The following SIRPG variants were observed in gnomAD, a reference collection of about 807,000 sequenced individuals.
SIRPG encodes signal-regulatory protein gamma.
In SIRPG, 38 loss-of-function variants were observed where a neutral mutation model predicts 35.7. That is an observed-to-expected ratio of 1.06 (90% CI 0.82 to 1.40). SIRPG has a LOEUF of 1.40. SIRPG is among the 40% of genes most tolerant of loss of function. The pLI, the probability that SIRPG is intolerant of heterozygous loss-of-function variation, is 0.00. For missense variants in SIRPG, 519 were observed against 483.0 expected, an observed-to-expected ratio of 1.07 and a Z score of -0.70; for synonymous variants, 215 against 190.4, an observed-to-expected ratio of 1.13 and a Z score of -1.06.
Position 1,636,217 on chromosome 20 carries a change from C to T in SIRPG, c.719G>A (p.Gly240Glu). 1.2e-6 allele frequency: 2 copies of T among 1,614,098 alleles called. No homozygotes were observed. The highest frequency in any genetic ancestry group is 1.7e-6 in the Non-Finnish European group (2 of 1,180,000). ...GATGGCCTCAGACAAGTTGGCAGTC[C>T]CACGAAGAGGGTCCCCCTGCAAGGT... ...HVTLQGDPLR[G>E]TANLSEAIRV... Residue 240 changes from glycine to glutamate, a missense_variant, in exon 3 of 6, where the codon GGG becomes GAG. Physicochemically the swap from Gly to Glu is moderately conservative, Grantham distance 98. Coordinates refer to ENST00000303415, the MANE Select transcript of SIRPG (RefSeq NM_018556.4).
At position 1,645,335 on chromosome 20, in the gene SIRPG, G is replaced by T. The variant is rs369087751; in HGVS notation, c.430+3717C>A. Among the ~76,000 whole-genome samples the T allele has an allele frequency of 9.2e-5, 14 of 152,300 alleles. No homozygotes were observed. In the South Asian group the frequency reaches 2.9e-3, roughly 32 times the overall value. On this transcript the variant is annotated intron_variant, in intron 2 of 5. Transcript: ENST00000303415. ...TATGAGAATCTTCTGGAGTCATGAA[G>T]AGTTCAGATGCCCAGGCCCATGTCA...
At chr20:1,671,415 C>T in the SIRPG span, among the ~76,000 whole-genome samples, 1 of 152,184 alleles carries the variant, frequency 6.6e-6, no homozygotes, top group Non-Finnish European at 1.5e-5. Context: ...AACAGGGTGA[C>T]TTCCACCAAT....
chr20:1,656,487 T>A (rs1404213855), intron 1 of SIRPG, among the ~76,000 whole-genome samples: 3 of 152,096 alleles, frequency 2.0e-5, no homozygotes, highest in Non-Finnish European at 2.9e-5. Flanking sequence ...GTAAAAAAAA[T>A]AATTTGAAAA....
In SIRPG at chr20:1,657,748, G is replaced by C; in HGVS notation, c.-34C>G. On this transcript the variant is annotated 5_prime_UTR_variant, in exon 1 of 6. Transcript: ENST00000303415. ...CCTCAGAAGCCTGCTCTGTTCAAAC[G>C]TCTGTTCTGGGGAGATGTCAGGCCC... The C allele has an allele frequency of 6.3e-7, 1 of 1,598,664 alleles. No homozygotes were observed.
chr20:1,635,839 C>T (rs2091794665), intron 3 of SIRPG, among the ~76,000 whole-genome samples: 1 of 152,196 alleles, frequency 6.6e-6, no homozygotes, highest in Admixed American at 6.5e-5. Context: ...TGAGTGAAAT[C>T]TACAAGCACA....
At chr20:1,640,026 T>A (rs1312021927) in intron 2 of SIRPG, among the ~76,000 whole-genome samples, 1 of 152,206 alleles carries the variant, frequency 6.6e-6, no homozygotes, top group Non-Finnish European at 1.5e-5. Context: ...TACTGTAGCC[T>A]TGTAATATAG....
chr20:1,659,708 C>A (rs1029566798), upstream of SIRPG, among the ~76,000 whole-genome samples: 3 of 152,240 alleles, frequency 2.0e-5, no homozygotes, highest in African/African-American at 7.2e-5. Flanking sequence ...GGCTGCCACA[C>A]TCCACAGCCT....
At chr20:1,630,456 A>G (rs2091741272) in intron 4 of SIRPG, 150 bp from the exon 5 acceptor site, 1 of 611,840 alleles carries the variant, frequency 1.6e-6, no homozygotes, top group Non-Finnish European at 2.8e-6. Context: ...ACTCCAGCAC[A>G]AGGCAGAAGC....
At chr20:1,653,458 C>T (rs758988949) in intron 1 of SIRPG, among the ~76,000 whole-genome samples, 2 of 152,114 alleles carry the variant, frequency 1.3e-5, no homozygotes, top group Non-Finnish European at 2.9e-5. Flanking sequence ...CTTCAGTGGA[C>T]ATTAGATGAC....
At chr20:1,657,513 T>A in intron 1 of SIRPG, 129 bp downstream of exon 1, 1 of 899,108 alleles carries the variant, frequency 1.1e-6, no homozygotes. Context: ...GATCTTCTGC[T>A]CTTGGACAAT....
intron 2 of SIRPG, chr20:1,646,443 C>G (rs1462635322): frequency 2.6e-5 from 4 of 152,296 alleles, no homozygotes; most frequent in African/African-American, 4.8e-5. Flanking sequence ...CTCCGCTGAG[C>G]TGCAGGAGGC....
chr20:1,631,710 G>A (rs2091751925), intron 4 of SIRPG, among the ~76,000 whole-genome samples: 1 of 152,244 alleles, frequency 6.6e-6, no homozygotes, highest in African/African-American at 2.4e-5. Context: ...CAGTGAGTGG[G>A]GCTGGGCACC....
At chr20:1,637,333 C>A (rs1325009403) in intron 2 of SIRPG, 2 of 209,194 alleles carry the variant, frequency 9.6e-6, no homozygotes, top group Non-Finnish European at 2.0e-5. Flanking sequence ...ACCTGGATAA[C>A]AATGGACTGA....
chr20:1,664,689 C>G, the SIRPG span, among the ~76,000 whole-genome samples: 1 of 152,180 alleles, frequency 6.6e-6, no homozygotes, highest in Non-Finnish European at 1.5e-5. Context: ...GTTTAATCAT[C>G]TGCTCATCCT....
At chr20:1,664,679 G>C in the SIRPG span, among the ~76,000 whole-genome samples, 2 of 152,160 alleles carry the variant, frequency 1.3e-5, no homozygotes, top group Non-Finnish European at 2.9e-5. Context: ...ACACGTCCAG[G>C]TTTAATCATC....
the SIRPG span, among the ~76,000 whole-genome samples, chr20:1,663,481 G>A: frequency 2.0e-5 from 3 of 152,224 alleles, no homozygotes; most frequent in African/African-American, 4.8e-5. Flanking sequence ...GCAGGCTTGG[G>A]CTGGTTCAAG....
At chr20:1,682,777 G>C in the SIRPG span, among the ~76,000 whole-genome samples, 1 of 152,164 alleles carries the variant, frequency 6.6e-6, no homozygotes, top group Non-Finnish European at 1.5e-5. Flanking sequence ...GAAAAGTTCT[G>C]TAACATTGGT....
chr20:1,667,689 G>T, the SIRPG span, among the ~76,000 whole-genome samples: 1 of 152,128 alleles, frequency 6.6e-6, no homozygotes, highest in African/African-American at 2.4e-5. Context: ...CATGTTCTGG[G>T]CAGTCCTCTG....
chr20:1,635,992 G>A (rs2091796390), intron 3 of SIRPG, among the ~76,000 whole-genome samples, 196 bp downstream of exon 3: 1 of 152,166 alleles, frequency 6.6e-6, no homozygotes, highest in Non-Finnish European at 1.5e-5. Flanking sequence ...GCAGAGCTTG[G>A]CACGTGATTG....
Sources: allele counts gnomAD v4.1 joint callset (sites outside exome capture counted in the v4.1 genomes callset), GRCh38; gene constraint gnomAD v4.1.1; transcripts MANE v1.5; gene names NCBI Gene and HGNC (gene_info 2026-07-23, HGNC 2026-07-21).